Variants in MORC1 observed in about 807,000 individuals in gnomAD.
The protein encoded by MORC1 is MORC family CW-type zinc finger 1.
Under a neutral mutation model 134.9 loss-of-function variants are expected in MORC1, and 59 were observed. The observed-to-expected ratio is 0.44, with a 90% CI of 0.35 to 0.54. MORC1 has a LOEUF of 0.54. Among genes scored for constraint, MORC1 ranks in the 20% least tolerant of loss-of-function variants. The pLI is 0.00. For missense variants in MORC1, 947 were observed against 1,134.5 expected (o/e 0.83, Z 2.37); for synonymous variants, 395 against 391.7 (o/e 1.01, Z -0.10).
Position 109,007,078 on chromosome 3 carries a change from G to A in MORC1, c.1718C>T (p.Pro573Leu). 1 of 1,610,782 alleles carries A rather than the reference G, an allele frequency of 6.2e-7. No homozygotes were observed. The highest frequency in any genetic ancestry group is 8.5e-7 in the Non-Finnish European group (1 of 1,178,500). ...GGAAGTGACAGTGATTTCGTCCACT[G>A]GTATAAATTGAGGCTTTATGGGAAA... ...AEQQPQPQFI[P>L]VDEITVTSTC... Residue 573 changes from proline (P) to leucine (L), a missense_variant, in exon 18 of 28, where the codon CCA (proline) becomes CTA (leucine). Around this residue, in one of 3 missense-constraint regions of MORC1, gnomAD observed 722 missense variants for 817.0 expected, o/e 0.88. Coordinates refer to ENST00000232603, the MANE Select transcript of MORC1 (RefSeq NM_014429.4).
chr3:109,106,753 T>C (rs1182391304), intron 3 of MORC1, among the ~76,000 whole-genome samples: 2 of 152,192 alleles, frequency 1.3e-5, no homozygotes, highest in East Asian at 3.9e-4. Flanking sequence ...CCCAGTATAC[T>C]GCCTGGGGAT....
chr3:109,103,938 T>A, intron 3 of MORC1, 21 bp from the exon 4 acceptor site: 1 of 1,599,310 alleles, frequency 6.3e-7, no homozygotes, highest in Middle Eastern at 1.7e-4. Flanking sequence ...AAGCAGTTAT[T>A]ACTAATAAAT....
chr3:109,004,954 G>A, intron 19 of MORC1, 66 bp from the exon 20 acceptor site: 1 of 1,579,120 alleles, frequency 6.3e-7, no homozygotes, highest in Middle Eastern at 1.7e-4. Flanking sequence ...AACACAGATT[G>A]CAATGTATAT....
intron 8 of MORC1, among the ~76,000 whole-genome samples, chr3:109,090,875 G>T (rs1019278553): frequency 3.9e-5 from 6 of 151,934 alleles, no homozygotes; most frequent in Non-Finnish European, 7.4e-5. Context: ...GAGATAAGGG[G>T]ATACAATAAT....
chr3:109,114,047 G>A (rs1576760458), intron 2 of MORC1, among the ~76,000 whole-genome samples: 2 of 152,144 alleles, frequency 1.3e-5, no homozygotes, highest in South Asian at 2.1e-4. Context: ...TTGCTTCTAC[G>A]CAGACTTCAA....
intron 8 of MORC1, among the ~76,000 whole-genome samples, chr3:109,086,811 C>A (rs1232604771): frequency 1.3e-5 from 2 of 151,968 alleles, no homozygotes; most frequent in Admixed American, 1.3e-4. Flanking sequence ...AAAATATCAA[C>A]ATTTGGGAAA....
chr3:108,999,496 C>T (rs759510940), intron 21 of MORC1, among the ~76,000 whole-genome samples: 1 of 152,126 alleles, frequency 6.6e-6, no homozygotes, highest in East Asian at 1.9e-4. Flanking sequence ...ACATCAGGTA[C>T]CTTGTGACAA....
chr3:108,979,765 T>C, intron 23 of MORC1, 98 bp from the exon 24 acceptor site: 1 of 1,429,084 alleles, frequency 7.0e-7, no homozygotes, highest in East Asian at 2.3e-5. Context: ...ATACAACAAA[T>C]GAGAACAAGA....
rs139401819 is a variant in MORC1 at position 108,992,353 on chromosome 3, T to C, written c.2188-5404A>G. ...TATCCACAACTTTTAAAGACAAGTA[T>C]ACATCCTACTCTTTCCAAAACATCT... On this transcript the variant is annotated intron_variant, in intron 21 of 27. Coordinates refer to ENST00000232603, the MANE Select transcript of MORC1 (RefSeq NM_014429.4). Among the ~76,000 whole-genome samples, 86 of 152,320 alleles carry C rather than the reference T, an allele frequency of 5.6e-4. 1 individual carries two copies. The East Asian group carries it at 0.014, about 24-fold the overall frequency.
chr3:109,080,400 C>T (rs945180356), intron 8 of MORC1, among the ~76,000 whole-genome samples: 2 of 152,130 alleles, frequency 1.3e-5, no homozygotes, highest in African/African-American at 4.8e-5. Flanking sequence ...TCAATTACCT[C>T]CCACCAGGTT....
At chr3:109,014,514 T>C (rs1458571973) in intron 17 of MORC1, among the ~76,000 whole-genome samples, 1 of 152,212 alleles carries the variant, frequency 6.6e-6, no homozygotes, top group East Asian at 1.9e-4. Context: ...ATGCTTTATA[T>C]TAAATTCCAG....
At chr3:109,004,948 C>T in intron 19 of MORC1, 60 bp from the exon 20 acceptor site, 1 of 1,585,716 alleles carries the variant, frequency 6.3e-7, no homozygotes, top group Non-Finnish European at 8.6e-7. Flanking sequence ...CCAGGAAACA[C>T]AGATTGCAAT....
chr3:109,083,204 C>T (rs1430174011), intron 8 of MORC1, among the ~76,000 whole-genome samples: 2 of 151,434 alleles, frequency 1.3e-5, no homozygotes, highest in African/African-American at 4.9e-5. Flanking sequence ...ATATAAAAGA[C>T]AGATACAGCA....
intron 14 of MORC1, among the ~76,000 whole-genome samples, chr3:109,039,679 C>T (rs746335426): frequency 6.6e-6 from 1 of 152,210 alleles, no homozygotes; most frequent in Non-Finnish European, 1.5e-5. Context: ...AGATCTTTCA[C>T]ACAGCTTGCT....
chr3:108,967,482 G>A (rs1947255726), intron 26 of MORC1, among the ~76,000 whole-genome samples: 1 of 152,082 alleles, frequency 6.6e-6, no homozygotes, highest in Non-Finnish European at 1.5e-5. Context: ...AATTCCTGGT[G>A]GGCCAATACG....
At chr3:109,008,714 T>C (rs1016660360) in intron 17 of MORC1, among the ~76,000 whole-genome samples, 2 of 152,134 alleles carry the variant, frequency 1.3e-5, no homozygotes, top group Admixed American at 1.3e-4. Flanking sequence ...TGATGATAAC[T>C]ATATATAATA....
chr3:108,963,507 A>G lies in MORC1; in HGVS notation c.2706T>C (p.Ser902=). The G allele has an allele frequency of 6.2e-7, 1 of 1,611,574 alleles. No individual in the cohort carries two copies. The highest frequency in any genetic ancestry group is 1.1e-5 in the South Asian group (1 of 90,784). ...TTCTTTTATTTTCACATTGCCCCAG[A>G]GAGATTTCATTATGTATTCCTCTTG... ...SNTRGIHNEI[S]LGQCENKRKI... is the part of the protein sequence containing the mutation. Residue 902 remains serine, a synonymous_variant, in exon 27 of 28, where the codon TCT becomes TCC. Transcript: ENST00000232603.
intron 8 of MORC1, among the ~76,000 whole-genome samples, chr3:109,075,712 T>C (rs1950407779): frequency 6.6e-6 from 1 of 152,184 alleles, no homozygotes; most frequent in South Asian, 2.1e-4. Context: ...CCTTGTAGTA[T>C]AGTTTGAAGT....
intron 17 of MORC1, among the ~76,000 whole-genome samples, chr3:109,009,739 G>T (rs2029000): frequency 6.6e-6 from 1 of 151,864 alleles, no homozygotes; most frequent in Non-Finnish European, 1.5e-5. Context: ...TTTTACAGTG[G>T]AGTAATTTTA....
Sources: allele counts gnomAD v4.1 joint callset (sites outside exome capture counted in the v4.1 genomes callset), GRCh38; gene constraint gnomAD v4.1.1; regional missense constraint gnomAD v4.1.1; transcripts MANE v1.5; gene names NCBI Gene and HGNC (gene_info 2026-07-23, HGNC 2026-07-21).